The following DYNC2I1 variants were observed in gnomAD, a reference collection of about 807,000 sequenced individuals.
DYNC2I1 encodes the protein cytoplasmic dynein 2 intermediate chain 1.
Under a neutral mutation model 133.4 loss-of-function variants are expected in DYNC2I1, and 89 were observed. The observed-to-expected ratio is 0.67, with a 90% CI of 0.56 to 0.80. DYNC2I1 has a LOEUF of 0.80. DYNC2I1 is among the 30% of genes least tolerant of loss of function. DYNC2I1 has a pLI of 0.00. For synonymous variants in DYNC2I1, 504 were observed against 484.3 expected (o/e 1.04, Z -0.54); for missense variants, 1,291 against 1,314.5 (o/e 0.98, Z 0.28).
chr7:158,914,200 C>G, intron 13 of DYNC2I1, 33 bp from the exon 14 acceptor site: 1 of 1,563,210 alleles, frequency 6.4e-7, no homozygotes, highest in Non-Finnish European at 8.7e-7. Context: ...TTAGAGTCGA[C>G]TTCGTTGATT....
chr7:158,860,361 T>C (rs1251094250), intron 1 of DYNC2I1, among the ~76,000 whole-genome samples: 1 of 152,204 alleles, frequency 6.6e-6, no homozygotes, highest in African/African-American at 2.4e-5. Context: ...ACCCCGCTGG[T>C]ATTATAGCTT....
At chr7:158,902,685 TA>T in intron 10 of DYNC2I1, 90 bp downstream of exon 10, 1 of 1,199,356 alleles carries the variant, frequency 8.3e-7, no homozygotes, top group Non-Finnish European at 1.2e-6. Flanking sequence ...AGGCCTACTC[TA>T]ATAAGGTGGG....
At chr7:158,905,501 A>G (rs891014681) in intron 10 of DYNC2I1, among the ~76,000 whole-genome samples, 2 of 152,138 alleles carry the variant, frequency 1.3e-5, no homozygotes, top group African/African-American at 4.8e-5. Context: ...CAATAATCTA[A>G]TCACATCTTC....
chr7:158,839,651 C>T, the DYNC2I1 span, among the ~76,000 whole-genome samples: 2 of 152,068 alleles, frequency 1.3e-5, no homozygotes, highest in African/African-American at 4.8e-5. Context: ...AACCCCGTCT[C>T]TACTAAAAAT....
In DYNC2I1 at chr7:158,891,245, G is replaced by A. The variant is rs976029909; in HGVS notation, c.991-20G>A. 4.3e-6 allele frequency: 7 copies of A among 1,613,944 alleles called. No homozygotes were observed. Among genetic ancestry groups the A allele is most frequent in the Non-Finnish European group, 3.4e-6 (4 of 1,179,856 alleles). ...GTCCCACCTGTGTCCTGGCTGATGG[G>A]GCTGTTCTCTCTCCATTAGCATGGC... On this transcript the variant is annotated intron_variant, in intron 7 of 24. Coordinates refer to ENST00000407559, the MANE Select transcript of DYNC2I1 (RefSeq NM_018051.5).
At chr7:158,909,128 C>T (rs1054718291) in intron 11 of DYNC2I1, among the ~76,000 whole-genome samples, 2 of 151,618 alleles carry the variant, frequency 1.3e-5, no homozygotes, top group Admixed American at 6.6e-5. Context: ...GTCAGGAGTT[C>T]GAGACCAGCC....
At chr7:158,894,887 C>T (rs150345818) in intron 8 of DYNC2I1, among the ~76,000 whole-genome samples, 117 of 152,272 alleles carry the variant, frequency 7.7e-4, no homozygotes, top group African/African-American at 2.3e-3. Context: ...AAAGGATCAC[C>T]GTCCTTTTAA....
chr7:158,923,499 A>G lies in DYNC2I1; in HGVS notation c.2095-72A>G, dbSNP rs1208469536. On this transcript the variant is annotated intron_variant, in intron 16 of 24. Transcript: ENST00000407559. ...TGAAACATGGTCAGACACCCCACTCAGTAAATGCAGCTTGTGTTAGCATGC... is the reference window on the plus strand; with the variant it reads ...TGAAACATGGTCAGACACCCCACTCGGTAAATGCAGCTTGTGTTAGCATGC... 5.0e-6 allele frequency: 8 copies of G among 1,608,406 alleles called. No individual in the cohort carries two copies. The African/African-American group carries it at 8.0e-5, about 16-fold the overall frequency.
intron 1 of DYNC2I1, among the ~76,000 whole-genome samples, chr7:158,864,873 C>T (rs574428323): frequency 2.6e-5 from 4 of 152,336 alleles, no homozygotes; most frequent in South Asian, 4.1e-4. Flanking sequence ...TTAACTTTAA[C>T]CTCTGATGAG....
the DYNC2I1 span, among the ~76,000 whole-genome samples, chr7:158,839,615 C>T: frequency 5.9e-4 from 90 of 152,044 alleles, 1 homozygote; most frequent in Middle Eastern, 6.8e-3. Flanking sequence ...GTCAGGAGAT[C>T]GAGACCATCC....
the DYNC2I1 span, among the ~76,000 whole-genome samples, chr7:158,845,719 ACTAT>A: frequency 6.6e-6 from 1 of 152,232 alleles, no homozygotes; most frequent in African/African-American, 2.4e-5. Context: ...TTAAATGATG[ACTAT>A]CACAGTTTTC....
chr7:158,948,233 C>T (rs1218473967), downstream of DYNC2I1, among the ~76,000 whole-genome samples: 1 of 152,230 alleles, frequency 6.6e-6, no homozygotes, highest in Non-Finnish European at 1.5e-5. Context: ...GCGGTTCCTT[C>T]CCACCGTGGG....
intron 8 of DYNC2I1, among the ~76,000 whole-genome samples, chr7:158,894,132 A>ATACCGCATCTCCTACCGCATATCC (rs1845535804): frequency 2.0e-5 from 3 of 151,072 alleles, no homozygotes; most frequent in Admixed American, 1.3e-4. Flanking sequence ...ACCGCATATC[A>ATACCGCATCTCCTACCGCATATCC]TACCGCATAT....
intron 8 of DYNC2I1, among the ~76,000 whole-genome samples, chr7:158,896,320 G>GT (rs754241522): frequency 6.6e-6 from 1 of 152,026 alleles, no homozygotes; most frequent in African/African-American, 2.4e-5. Context: ...TTTGTCAAAT[G>GT]TTTTTTCTCC....
intron 14 of DYNC2I1, among the ~76,000 whole-genome samples, chr7:158,918,392 G>A (rs1262349934): frequency 6.6e-6 from 1 of 152,200 alleles, no homozygotes; most frequent in Non-Finnish European, 1.5e-5. Flanking sequence ...CCAAAACCCA[G>A]TGAGAGAGAC....
At chr7:158,953,741 GTA>G (rs1356024804) in intron 4 of DYNC2I1, among the ~76,000 whole-genome samples, 4 of 152,070 alleles carry the variant, frequency 2.6e-5, no homozygotes, top group African/African-American at 7.3e-5. Context: ...ACATGTGTGT[GTA>G]TGTTACATAT....
chr7:158,859,653 T>A (rs1362206605), intron 1 of DYNC2I1, among the ~76,000 whole-genome samples: 1 of 152,096 alleles, frequency 6.6e-6, no homozygotes, highest in East Asian at 1.9e-4. Context: ...CAGATGTGTG[T>A]CATCACGCCC....
intron 16 of DYNC2I1, 43 bp downstream of exon 16, chr7:158,922,592 G>A: frequency 6.3e-7 from 1 of 1,585,980 alleles, no homozygotes; most frequent in Non-Finnish European, 8.6e-7. Flanking sequence ...GGGAGGATGG[G>A]CAGTGGACAG....
chr7:158,898,371 T>G (rs1010870258), intron 8 of DYNC2I1, among the ~76,000 whole-genome samples: 2 of 152,224 alleles, frequency 1.3e-5, no homozygotes, highest in Non-Finnish European at 2.9e-5. Flanking sequence ...TTCATCTATT[T>G]CTTCTTGCAC....
Sources: gnomAD v4.1 joint callset for allele counts (sites outside exome capture counted in the v4.1 genomes callset) on GRCh38, gnomAD v4.1.1 for gene constraint, MANE v1.5 for transcripts, NCBI Gene and HGNC (gene_info 2026-07-23, HGNC 2026-07-21) for gene names.